Variants in AFG1L observed in about 807,000 individuals in gnomAD.
AFG1L encodes the protein AFG1-like ATPase.
Under a neutral mutation model 62.2 loss-of-function variants are expected in AFG1L, and 53 were observed. That is an observed-to-expected ratio of 0.85 (90% CI 0.68 to 1.07). AFG1L has a LOEUF of 1.07. AFG1L is among the 50% of genes least tolerant of loss of function. AFG1L has a pLI of 0.00. For synonymous variants in AFG1L, 228 were observed against 210.3 expected (o/e 1.08, Z -0.73); for missense variants, 555 against 590.5 (o/e 0.94, Z 0.62).
At chr6:108,406,851 C>A (rs994551779) in intron 7 of AFG1L, among the ~76,000 whole-genome samples, 2 of 152,116 alleles carry the variant, frequency 1.3e-5, no homozygotes, top group African/African-American at 4.8e-5. Flanking sequence ...TTTTTTTAGA[C>A]ATTATTCTGT....
intron 2 of AFG1L, among the ~76,000 whole-genome samples, chr6:108,328,880 C>T (rs542994042): frequency 6.6e-6 from 1 of 152,140 alleles, no homozygotes; most frequent in Non-Finnish European, 1.5e-5. Flanking sequence ...CTATGATGGG[C>T]CAGCTAGTGA....
At chr6:108,487,822 C>T (rs1218313540) in intron 10 of AFG1L, among the ~76,000 whole-genome samples, 1 of 152,138 alleles carries the variant, frequency 6.6e-6, no homozygotes, top group Non-Finnish European at 1.5e-5. Context: ...GAGCAGAGTG[C>T]ATGTTGGGGA....
chr6:108,399,573 A>G (rs1051191401), intron 6 of AFG1L, among the ~76,000 whole-genome samples: 2 of 146,618 alleles, frequency 1.4e-5, no homozygotes, highest in Non-Finnish European at 3.0e-5. Context: ...TGTTTTTCAT[A>G]TTGTTTACTG....
intron 2 of AFG1L, among the ~76,000 whole-genome samples, chr6:108,330,886 T>C (rs567117266): frequency 2.6e-5 from 4 of 152,320 alleles, no homozygotes; most frequent in Non-Finnish European, 5.9e-5. Context: ...TATCTGAAAC[T>C]CAATTTCAGA....
At chr6:108,455,685 A>AT (rs541725033) in intron 8 of AFG1L, among the ~76,000 whole-genome samples, 221 of 151,896 alleles carry the variant, frequency 1.5e-3, no homozygotes, top group African/African-American at 5.1e-3. Context: ...CTCCTGATTT[A>AT]TTTTTTGGCC....
intron 3 of AFG1L, 135 bp from the exon 4 acceptor site, chr6:108,355,519 T>C: frequency 2.1e-6 from 1 of 468,760 alleles, no homozygotes; most frequent in Non-Finnish European, 3.7e-6. Context: ...AAGCTCCCCC[T>C]TCTAAAGAAG....
chr6:108,513,608 C>T (rs555413220), intron 11 of AFG1L, among the ~76,000 whole-genome samples: 7 of 152,304 alleles, frequency 4.6e-5, no homozygotes, highest in South Asian at 4.1e-4. Context: ...GTAAACAAAG[C>T]GGCTGGGAAG....
chr6:108,510,457 C>T, intron 11 of AFG1L, 105 bp downstream of exon 11: 5 of 773,652 alleles, frequency 6.5e-6, no homozygotes, highest in Non-Finnish European at 6.1e-6. Flanking sequence ...CTTACTGCAC[C>T]TCTTTGTGCC....
intron 10 of AFG1L, among the ~76,000 whole-genome samples, chr6:108,487,625 T>C (rs1394705208): frequency 6.6e-6 from 1 of 152,150 alleles, no homozygotes; most frequent in Non-Finnish European, 1.5e-5. Flanking sequence ...ATAATATGAG[T>C]GTATCAGGAG....
chr6:108,352,512 G>A (rs1057317452), intron 3 of AFG1L, among the ~76,000 whole-genome samples: 12 of 152,086 alleles, frequency 7.9e-5, no homozygotes, highest in African/African-American at 2.9e-4. Flanking sequence ...AATGTAAATG[G>A]TACATAAATG....
Position 108,384,792 on chromosome 6 carries a change from A to G in AFG1L, c.749-17204A>G, listed in dbSNP as rs536978318. Among the ~76,000 whole-genome samples the G allele has an allele frequency of 1.1e-4, 16 of 152,202 alleles. No individual in the cohort carries two copies. The South Asian group carries it at 3.3e-3, about 32-fold the overall frequency. Reference sequence around the variant, plus strand: ...TTAAATTCTAGAACTATAAAATATAATATCTTATATAAAAATTCACTTGAT... The same window carrying G: ...TTAAATTCTAGAACTATAAAATATAGTATCTTATATAAAAATTCACTTGAT... On this transcript the variant is annotated intron_variant, in intron 6 of 12. Coordinates refer to ENST00000368977, the MANE Select transcript of AFG1L (RefSeq NM_145315.5).
chr6:108,366,626 CT>C (rs1241552303), intron 6 of AFG1L, among the ~76,000 whole-genome samples: 2 of 151,142 alleles, frequency 1.3e-5, no homozygotes, highest in Admixed American at 6.6e-5. Flanking sequence ...AAATGCAGGC[CT>C]TTTGGACTGC....
At chr6:108,305,397 C>G (rs1328997531) in intron 1 of AFG1L, among the ~76,000 whole-genome samples, 2 of 152,098 alleles carry the variant, frequency 1.3e-5, no homozygotes, top group Non-Finnish European at 2.9e-5. Context: ...TGAATTACCT[C>G]TTTTTTGAGA....
chr6:108,322,723 C>T (rs1327610107), intron 1 of AFG1L, among the ~76,000 whole-genome samples: 1 of 152,132 alleles, frequency 6.6e-6, no homozygotes, highest in East Asian at 1.9e-4. Context: ...GTTATTGTGA[C>T]AAAGGAAACA....
chr6:108,384,496 T>G (rs1780679707), intron 6 of AFG1L, among the ~76,000 whole-genome samples: 1 of 152,174 alleles, frequency 6.6e-6, no homozygotes, highest in African/African-American at 2.4e-5. Context: ...AGCAAAAATA[T>G]CAACATTCTT....
rs1274856104 is a variant in AFG1L, at chr6:108,524,502, G to A, written c.*2077G>A. On this transcript the variant is annotated 3_prime_UTR_variant, in exon 13 of 13. Coordinates refer to ENST00000368977, the MANE Select transcript of AFG1L (RefSeq NM_145315.5). ...ATGTTAGTTGGGGTGCTGGTCAAAC[G>A]CATAGAAGCCTATGTAATTCTCAGT... is the stretch of plus-strand genomic sequence containing the variant. 2 of 152,184 alleles carry A rather than the reference G, an allele frequency of 1.3e-5. No individual in the cohort carries two copies. Among genetic ancestry groups the A allele is most frequent in the Non-Finnish European group, 2.9e-5 (2 of 68,042 alleles). The allele number at this position is 152,184 out of a possible 1,614,324, so 9.4% of individuals were successfully genotyped here.
At chr6:108,490,955 T>C (rs913298058) in intron 10 of AFG1L, among the ~76,000 whole-genome samples, 4 of 152,204 alleles carry the variant, frequency 2.6e-5, no homozygotes, top group African/African-American at 9.6e-5. Context: ...TTACTGACAT[T>C]TTATTTCCCT....
intron 10 of AFG1L, among the ~76,000 whole-genome samples, chr6:108,486,046 T>A (rs1019007885): frequency 2.6e-5 from 4 of 152,134 alleles, no homozygotes; most frequent in African/African-American, 7.2e-5. Flanking sequence ...TAGTAGTAAA[T>A]GTATCAGAGC....
At chr6:108,309,676 G>A (rs899423609) in intron 1 of AFG1L, among the ~76,000 whole-genome samples, 1 of 152,086 alleles carries the variant, frequency 6.6e-6, no homozygotes, top group East Asian at 1.9e-4. Flanking sequence ...TTTCTCAACT[G>A]TAGGTTTTAT....
Sources: allele counts gnomAD v4.1 joint callset (sites outside exome capture counted in the v4.1 genomes callset), GRCh38; gene constraint gnomAD v4.1.1; transcripts MANE v1.5; gene names NCBI Gene and HGNC (gene_info 2026-07-23, HGNC 2026-07-21).